The following ACP3 variants were observed in gnomAD, a reference collection of about 807,000 sequenced individuals.
ACP3 encodes acid phosphatase 3.
ACP3 carries 38 observed loss-of-function variants against 45.6 expected under a neutral mutation model. The observed-to-expected ratio is 0.83, with a 90% CI of 0.64 to 1.09. The LOEUF (loss-of-function observed/expected upper bound fraction) is 1.09. Ranked by LOEUF, ACP3 falls within the 50% of genes least tolerant of loss-of-function variation. The probability of loss-of-function intolerance (pLI) is 0.00; values close to 1 mark genes in which losing one functional copy is unlikely to be tolerated. For synonymous variants in ACP3, 162 were observed against 164.7 expected, an observed-to-expected ratio of 0.98 and a Z score of 0.13; for missense variants, 466 against 463.2, an observed-to-expected ratio of 1.01 and a Z score of -0.05.
rs1937972628 is a variant in ACP3, at chr3:132,358,616, A to G, written c.*1738A>G. ...CTGGTTGGTCACAGAATGACTGACA[A>G]AGACATCGATTGATATGCTTCTTTG... On this transcript the variant is annotated 3_prime_UTR_variant, in exon 10 of 10. Coordinates refer to ENST00000336375, the MANE Select transcript of ACP3 (RefSeq NM_001099.5). The G allele has an allele frequency of 1.9e-6, 2 of 1,066,828 alleles. No homozygotes were observed. Among genetic ancestry groups the G allele is most frequent in the Non-Finnish European group, 1.1e-6 (1 of 870,046 alleles). The allele number at this position is 1,066,828 out of a possible 1,614,324, so 66.1% of individuals were successfully genotyped here. A position where few individuals can be genotyped will look rare whatever the true frequency, so the allele number is the denominator to read the frequency against.
intron 4 of ACP3, among the ~76,000 whole-genome samples, chr3:132,334,595 A>C (rs1937459171): frequency 6.6e-6 from 1 of 152,194 alleles, no homozygotes; most frequent in South Asian, 2.1e-4. Flanking sequence ...AGAGAGTGAG[A>C]ACTTGAACCA....
chr3:132,321,195 G>A (rs1403462984), intron 1 of ACP3, among the ~76,000 whole-genome samples: 1 of 151,954 alleles, frequency 6.6e-6, no homozygotes, highest in Admixed American at 6.6e-5. Context: ...AGGTACCAGA[G>A]GCTGGGTGCA....
intron 8 of ACP3, 49 bp downstream of exon 8, chr3:132,350,051 C>A: frequency 7.6e-7 from 1 of 1,308,900 alleles, no homozygotes; most frequent in Non-Finnish European, 1.1e-6. Context: ...AGTGTGTGAT[C>A]TCTTGAAGCA....
intron 4 of ACP3, among the ~76,000 whole-genome samples, chr3:132,334,064 T>G (rs1937448135): frequency 6.6e-6 from 1 of 152,106 alleles, no homozygotes; most frequent in South Asian, 2.1e-4. Flanking sequence ...AGAGCGAAAT[T>G]CCGTCTCAAA....
At chr3:132,339,243 AAAC>A (rs1310988348) in intron 5 of ACP3, among the ~76,000 whole-genome samples, 1 of 151,350 alleles carries the variant, frequency 6.6e-6, no homozygotes, top group Non-Finnish European at 1.5e-5. Flanking sequence ...GTGTGAAAAA[AAAC>A]ACACTCAATG....
chr3:132,352,664 C>A, intron 8 of ACP3, 56 bp from the exon 9 acceptor site: 2 of 1,219,772 alleles, frequency 1.6e-6, no homozygotes, highest in African/African-American at 1.5e-5. Context: ...ACAAGTGCTT[C>A]ATACCTATTG....
At position 132,331,731 on chromosome 3, in the gene ACP3, C is replaced by T. The variant is rs138650875; in HGVS notation, c.301C>T (p.Gln101Ter). ...KFLNESYKHE[Q>*]VYIRSTDVDR... ...CTTGAATGAGTCCTATAAACATGAA[C>T]AGGCAAGTTGGGGAGCCAAGAGTGG... The change falls in exon 3 of 10, where the codon CAG becomes TAG. Residue 101 changes from glutamine to a stop codon, truncating the protein, a stop_gained and splice_region_variant. Coordinates refer to ENST00000336375, the MANE Select transcript of ACP3 (RefSeq NM_001099.5). LOFTEE classifies it high-confidence loss of function. 4 of 1,601,208 alleles carry T rather than the reference C, an allele frequency of 2.5e-6. No individual in the cohort carries two copies. Among genetic ancestry groups the T allele is most frequent in the Non-Finnish European group, 3.4e-6 (4 of 1,175,486 alleles).
At chr3:132,363,868 C>T (rs141412229) in intron 10 of ACP3, among the ~76,000 whole-genome samples, 1 of 152,012 alleles carries the variant, frequency 6.6e-6, no homozygotes, top group Non-Finnish European at 1.5e-5. Flanking sequence ...ACCCGGGAGG[C>T]GGAGGTTGCA....
chr3:132,339,775 C>A (rs994813852), intron 5 of ACP3, among the ~76,000 whole-genome samples: 1 of 152,170 alleles, frequency 6.6e-6, no homozygotes, highest in African/African-American at 2.4e-5. Context: ...ATTGCATAGG[C>A]ATGATTGATT....
intron 9 of ACP3, among the ~76,000 whole-genome samples, chr3:132,353,296 G>C (rs1017992189): frequency 6.6e-6 from 1 of 152,130 alleles, no homozygotes; most frequent in Non-Finnish European, 1.5e-5. Context: ...GATGACCACA[G>C]CTTAGCTTGA....
chr3:132,322,504 G>A (rs1048451358), intron 1 of ACP3, among the ~76,000 whole-genome samples: 1 of 152,174 alleles, frequency 6.6e-6, no homozygotes, highest in Non-Finnish European at 1.5e-5. Context: ...TGCATCACGA[G>A]ATTTTCACAA....
chr3:132,355,128 T>G (rs1201747555), intron 9 of ACP3, among the ~76,000 whole-genome samples: 3 of 152,230 alleles, frequency 2.0e-5, no homozygotes, highest in Non-Finnish European at 4.4e-5. Context: ...AGTGCTGTGC[T>G]CACTTGCAGG....
chr3:132,355,036 A>G (rs1208867472), intron 9 of ACP3, among the ~76,000 whole-genome samples: 1 of 152,200 alleles, frequency 6.6e-6, no homozygotes, highest in East Asian at 1.9e-4. Context: ...TAACAGTACA[A>G]TGCAGGTGTA....
At chr3:132,359,637 T>C (rs978247593), downstream of ACP3, among the ~76,000 whole-genome samples, 1 of 152,196 alleles carries the variant, frequency 6.6e-6, no homozygotes, top group Non-Finnish European at 1.5e-5. Flanking sequence ...TCATTCTCCA[T>C]AGTCTCTCAC....
chr3:132,327,606 G>A (rs1386187123), intron 1 of ACP3, among the ~76,000 whole-genome samples: 3 of 151,110 alleles, frequency 2.0e-5, no homozygotes, highest in Non-Finnish European at 2.9e-5. Context: ...ACCACCTGAG[G>A]TCAGGAGTTC....
intron 7 of ACP3, among the ~76,000 whole-genome samples, chr3:132,347,655 T>A (rs2310165): frequency 0.33 from 49,758 of 151,644 alleles, 8,269 homozygotes; most frequent in East Asian, 0.33. Context: ...AAATTTTTTT[T>A]AAATTTTTTG....
chr3:132,332,049 A>C, intron 3 of ACP3, 143 bp from the exon 4 acceptor site: 1 of 999,454 alleles, frequency 1.0e-6, no homozygotes, highest in East Asian at 2.4e-5. Flanking sequence ...TTCCTTAACA[A>C]GTATTATGAT....
At chr3:132,331,088 G>C (rs1379225016) in intron 2 of ACP3, among the ~76,000 whole-genome samples, 2 of 152,204 alleles carry the variant, frequency 1.3e-5, no homozygotes, top group Non-Finnish European at 2.9e-5. Flanking sequence ...TAGGTCAAGG[G>C]TGGGGCCCAA....
downstream of ACP3, among the ~76,000 whole-genome samples, chr3:132,359,556 C>A (rs1331790362): frequency 6.6e-6 from 1 of 151,986 alleles, no homozygotes; most frequent in African/African-American, 2.4e-5. Flanking sequence ...TCCCCTGACC[C>A]TACTCTTGTC....
Sources: allele counts gnomAD v4.1 joint callset (sites outside exome capture counted in the v4.1 genomes callset), GRCh38; gene constraint gnomAD v4.1.1; transcripts MANE v1.5; gene names NCBI Gene and HGNC (gene_info 2026-07-23, HGNC 2026-07-21).